OCLN: variants seen among roughly 807,000 people sequenced by gnomAD.
OCLN encodes the protein phosphatase 1, regulatory subunit 115.
Under a neutral mutation model 47.9 loss-of-function variants are expected in OCLN, and 21 were observed. That is an observed-to-expected ratio of 0.44 (90% CI 0.31 to 0.63). The LOEUF is 0.63. Ranked by LOEUF, OCLN falls within the 30% of genes least tolerant of loss-of-function variation. OCLN has a pLI of 0.08. For missense variants in OCLN, 360 were observed against 571.0 expected, an observed-to-expected ratio of 0.63 and a Z score of 3.77; for synonymous variants, 117 against 198.4, an observed-to-expected ratio of 0.59 and a Z score of 3.45.
intron 4 of OCLN, among the ~76,000 whole-genome samples, chr5:69,517,921 C>CTGAGAGTTTCTGGGTG (rs1769023607): frequency 6.6e-6 from 1 of 152,158 alleles, no homozygotes; most frequent in Non-Finnish European, 1.5e-5. Flanking sequence ...AAATGTTTCG[C>CTGAGAGTTTCTGGGTG]TGAGAGTTTC....
At chr5:69,532,002 A>C (rs1310027234) in intron 4 of OCLN, among the ~76,000 whole-genome samples, 1 of 152,232 alleles carries the variant, frequency 6.6e-6, no homozygotes, top group Non-Finnish European at 1.5e-5. Flanking sequence ...TTATTTGATC[A>C]GATCAAGTGG....
chr5:69,522,894 C>CTTTTTTTTTTTTT (rs60505522), intron 4 of OCLN, among the ~76,000 whole-genome samples: 93,808 of 115,068 alleles, frequency 0.82, 38,926 homozygotes, highest in Non-Finnish European at 0.87. Flanking sequence ...GCCTGGCTGA[C>CTTTTTTTTTTTTT]TTTTTTTTTT....
At chr5:69,530,097 G>A (rs1769389319) in intron 4 of OCLN, among the ~76,000 whole-genome samples, 2 of 152,120 alleles carry the variant, frequency 1.3e-5, no homozygotes, top group African/African-American at 4.8e-5. Context: ...CCAGCTACTC[G>A]GGAGGCTAGG....
intron 7 of OCLN, among the ~76,000 whole-genome samples, chr5:69,549,295 C>G (rs1245636297): frequency 1.9e-5 from 2 of 103,064 alleles, no homozygotes; most frequent in Non-Finnish European, 3.7e-5. Flanking sequence ...GAGCCAAGAT[C>G]GCGCCACTGC....
intron 4 of OCLN, among the ~76,000 whole-genome samples, chr5:69,523,357 A>G (rs540506635): frequency 6.6e-6 from 1 of 152,204 alleles, no homozygotes; most frequent in South Asian, 2.1e-4. Flanking sequence ...ATATGATAAT[A>G]TTTTTAGAGA....
chr5:69,549,689 T>C (rs1423238128), intron 7 of OCLN, among the ~76,000 whole-genome samples: 2 of 151,378 alleles, frequency 1.3e-5, no homozygotes, highest in Admixed American at 6.6e-5. Flanking sequence ...TTAATGTAGT[T>C]ACACCACCTT....
chr5:69,519,855 G>T (rs1278184228), intron 4 of OCLN, among the ~76,000 whole-genome samples: 1 of 152,012 alleles, frequency 6.6e-6, no homozygotes, highest in Non-Finnish European at 1.5e-5. Flanking sequence ...TTTGCATTCC[G>T]CCAATACTGT....
At chr5:69,505,775 T>C (rs1040190854) in intron 2 of OCLN, among the ~76,000 whole-genome samples, 6 of 152,206 alleles carry the variant, frequency 3.9e-5, no homozygotes, top group Admixed American at 1.3e-4. Flanking sequence ...GAGTGTGATA[T>C]AGGCAAAAAC....
chr5:69,528,894 C>T (rs757442671), intron 4 of OCLN, among the ~76,000 whole-genome samples: 1 of 152,158 alleles, frequency 6.6e-6, no homozygotes, highest in Non-Finnish European at 1.5e-5. Context: ...GCCTGACTCT[C>T]TCCCATGTGT....
rs1379596040 is a variant in OCLN, at chr5:69,554,609, A to G, written c.*938A>G. ...GTTATTAGTGCTGTTAACATACAGC[A>G]ATGGAAAACCACACTCAGGAGTTGT... is the stretch of plus-strand genomic sequence containing the variant. On this transcript the variant is annotated 3_prime_UTR_variant, in exon 9 of 9. Transcript: ENST00000396442. 1 of 152,066 alleles carries G rather than the reference A, an allele frequency of 6.6e-6. No homozygotes were observed. Among genetic ancestry groups the G allele is most frequent in the Non-Finnish European group, 1.5e-5 (1 of 68,026 alleles). The allele number at this position is 152,066 out of a possible 1,614,324, so 9.4% of individuals were successfully genotyped here. A position where few individuals can be genotyped will look rare whatever the true frequency, so the allele number is the denominator to read the frequency against.
chr5:69,510,719 A>T (rs989984978), intron 3 of OCLN, among the ~76,000 whole-genome samples: 1 of 152,178 alleles, frequency 6.6e-6, no homozygotes, highest in African/African-American at 2.4e-5. Context: ...ATTCTTGTAT[A>T]CGTTTTTGTG....
At chr5:69,547,746 A>G (rs1473071373) in intron 6 of OCLN, among the ~76,000 whole-genome samples, 184 bp from the exon 7 acceptor site, 3 of 149,698 alleles carry the variant, frequency 2.0e-5, no homozygotes, top group South Asian at 2.1e-4. Context: ...AATGAGCAGT[A>G]ATATATAGTC....
intron 1 of OCLN, among the ~76,000 whole-genome samples, chr5:69,499,640 A>G (rs777131154): frequency 2.0e-5 from 3 of 151,446 alleles, no homozygotes; most frequent in Non-Finnish European, 4.4e-5. Context: ...GCTGGAGTGC[A>G]GTGGCGTGAC....
chr5:69,509,869 C>CA, intron 3 of OCLN, 50 bp downstream of exon 3: 2 of 1,315,074 alleles, frequency 1.5e-6, no homozygotes, highest in Non-Finnish European at 1.1e-6. Flanking sequence ...CAGAGGCCTT[C>CA]AACTTGAGAT....
At chr5:69,525,784 A>C (rs952326798) in intron 4 of OCLN, among the ~76,000 whole-genome samples, 1 of 152,158 alleles carries the variant, frequency 6.6e-6, no homozygotes, top group African/African-American at 2.4e-5. Flanking sequence ...GACAAGCCAA[A>C]GTGCCTTCTC....
At chr5:69,501,010 G>A (rs536122947) in intron 1 of OCLN, among the ~76,000 whole-genome samples, 4 of 152,036 alleles carry the variant, frequency 2.6e-5, no homozygotes, top group African/African-American at 4.8e-5. Flanking sequence ...CCTCCACCTC[G>A]GGCTCAAGCG....
chr5:69,517,852 C>T (rs1580566607), intron 4 of OCLN, among the ~76,000 whole-genome samples: 1 of 152,040 alleles, frequency 6.6e-6, no homozygotes, highest in East Asian at 1.9e-4. Flanking sequence ...CGACATTTAC[C>T]TCCAGGCAAG....
chr5:69,527,820 A>G (rs1016294242), intron 4 of OCLN, among the ~76,000 whole-genome samples: 4 of 151,978 alleles, frequency 2.6e-5, no homozygotes, highest in Non-Finnish European at 5.9e-5. Context: ...CTGACCTCCC[A>G]TTCTGTCATG....
intron 1 of OCLN, among the ~76,000 whole-genome samples, chr5:69,496,202 C>A (rs1768283980): frequency 6.6e-6 from 1 of 151,954 alleles, no homozygotes; most frequent in Admixed American, 6.6e-5. Flanking sequence ...GGGTTCACAC[C>A]ATTCTCCTGC....
Sources: gnomAD v4.1 joint callset for allele counts (sites outside exome capture counted in the v4.1 genomes callset) on GRCh38, gnomAD v4.1.1 for gene constraint, MANE v1.5 for transcripts, NCBI Gene and HGNC (gene_info 2026-07-23, HGNC 2026-07-21) for gene names.